PRDX1: variants seen among roughly 807,000 people sequenced by gnomAD.
PRDX1 encodes peroxiredoxin-1.
Under a neutral mutation model 20.7 loss-of-function variants are expected in PRDX1, and 19 were observed. That is an observed-to-expected ratio of 0.92 (90% CI 0.64 to 1.35). The LOEUF (loss-of-function observed/expected upper bound fraction) is 1.35, where lower values mean the gene tolerates loss of function less well. Ranked by LOEUF, PRDX1 falls within the 40% of genes most tolerant of loss-of-function variation. PRDX1 has a pLI of 0.00. For missense variants in PRDX1, 226 were observed against 240.0 expected (o/e 0.94, Z 0.38); for synonymous variants, 89 against 83.9 (o/e 1.06, Z -0.33).
At chr1:45,514,151 G>A (rs1643812603) in intron 5 of PRDX1, among the ~76,000 whole-genome samples, 1 of 152,146 alleles carries the variant, frequency 6.6e-6, no homozygotes, top group Admixed American at 6.5e-5. Flanking sequence ...TTATGTGTAT[G>A]CACATCTAAA....
chr1:45,511,289 T>C lies in PRDX1; in HGVS notation c.*40A>G, dbSNP rs750780038. 1 of 1,484,364 alleles carries C rather than the reference T, an allele frequency of 6.7e-7. No individual in the cohort carries two copies. The highest frequency in any genetic ancestry group is 1.4e-5 in the African/African-American group (1 of 70,232). The allele number at this position is 1,484,364 out of a possible 1,614,324, so 91.9% of individuals were successfully genotyped here. On this transcript the variant is annotated 3_prime_UTR_variant, in exon 6 of 6. Transcript: ENST00000319248. Reference sequence around the variant, plus strand: ...AAATACAGAAGAGGTTTTGTTCTCATGGCTGCCCACCGCAGCCTGGCACTA... The same window carrying C: ...AAATACAGAAGAGGTTTTGTTCTCACGGCTGCCCACCGCAGCCTGGCACTA...
rs770502273 is a variant in PRDX1 at position 45,513,960 on chromosome 1, G to GA, written c.514+546dup. ...TAAGGAGGATTAGTAAAAGAGGAAG[G>GA]AACGCCTCTTTGCAGTTGAGACAAG... is the stretch of plus-strand genomic sequence containing the variant. On this transcript the variant is annotated intron_variant, in intron 5 of 5. Transcript: ENST00000319248. Among the ~76,000 whole-genome samples, 111 of 152,274 alleles carry GA rather than the reference G, an allele frequency of 7.3e-4. 1 individual carries two copies. The highest frequency in any genetic ancestry group is 7.2e-4 in the Non-Finnish European group (49 of 68,018).
intron 5 of PRDX1, 136 bp from the exon 6 acceptor site, chr1:45,511,550 C>T: frequency 1.7e-6 from 1 of 579,610 alleles, no homozygotes. Flanking sequence ...TTAGATCATT[C>T]ACCCTTTTAG....
chr1:45,514,603 GAAGAAT>G lies in PRDX1; in HGVS notation c.412_417del (p.Ile138_Leu139del). 1 of 1,613,494 alleles carries G rather than the reference GAAGAAT, an allele frequency of 6.2e-7. No individual in the cohort carries two copies. Among genetic ancestry groups the G allele is most frequent in the South Asian group, 1.1e-5 (1 of 91,060 alleles). On this transcript the variant is annotated inframe_deletion, in exon 5 of 6. Coordinates refer to ENST00000319248, the MANE Select transcript of PRDX1 (RefSeq NM_181697.3). Reference sequence around the variant, plus strand: ...GGGAGGTCATTTACAGTGATCTGCCGAAGAATACCCTTATCATCAATGATAAAAAGG... The same window carrying G: ...GGGAGGTCATTTACAGTGATCTGCCGACCCTTATCATCAATGATAAAAAGG...
chr1:45,515,803 T>G lies in PRDX1; in HGVS notation c.111A>C (p.Lys37Asn), dbSNP rs1643852360. The change falls in exon 3 of 6, where the codon AAA becomes AAC. Residue 37 changes from lysine (K) to asparagine (N), a missense_variant. Transcript: ENST00000319248. ...GAGGGTAAAAGAAGAACACAACATA[T>G]TTTCCTGGGGGGAAAATCGGAGTCA... ...KDISLSDYKG[K>N]YVVFFFYPLD... 2 of 1,556,774 alleles carry G rather than the reference T, an allele frequency of 1.3e-6. No individual in the cohort carries two copies. Among genetic ancestry groups the G allele is most frequent in the South Asian group, 2.4e-5 (2 of 81,864 alleles).
intron 2 of PRDX1, among the ~76,000 whole-genome samples, chr1:45,516,806 G>A (rs1643865641): frequency 5.9e-5 from 9 of 152,008 alleles, no homozygotes; most frequent in Admixed American, 5.9e-4. Context: ...TGGATCACCT[G>A]AGGTCAGGAG....
chr1:45,514,419 C>A, intron 5 of PRDX1, 88 bp downstream of exon 5: 1 of 1,475,544 alleles, frequency 6.8e-7, no homozygotes, highest in Admixed American at 1.9e-5. Flanking sequence ...TCTCATTCCA[C>A]CTAACGAGAA....
upstream of PRDX1, among the ~76,000 whole-genome samples, chr1:45,522,334 A>C (rs1643922295): frequency 6.6e-6 from 1 of 152,212 alleles, no homozygotes; most frequent in South Asian, 2.1e-4. Context: ...GCAGATCCTC[A>C]GTAACCCTCA....
At chr1:45,518,063 G>A (rs1346508219) in intron 2 of PRDX1, among the ~76,000 whole-genome samples, 1 of 152,150 alleles carries the variant, frequency 6.6e-6, no homozygotes, top group Non-Finnish European at 1.5e-5. Context: ...AGAGGCAGTG[G>A]CTCACACCTG....
In PRDX1 at chr1:45,515,514, G is replaced by A. The variant is rs1643841560; in HGVS notation, c.260+140C>T. ...CTCAGGAGGCTGAGGCAGGAGAATG[G>A]CGTGAAACTGGGAGGCAGAGCTTGA... On this transcript the variant is annotated intron_variant, in intron 3 of 5. Transcript: ENST00000319248. The A allele has an allele frequency of 3.5e-6, 3 of 856,854 alleles. No homozygotes were observed. In the South Asian group the frequency reaches 5.6e-5, roughly 16 times the overall value. 53.1% of individuals were successfully genotyped at this position (856,854 alleles called of 1,614,324 possible). A position where few individuals can be genotyped will look rare whatever the true frequency, so the allele number is the denominator to read the frequency against.
chr1:45,518,844 T>C, intron 2 of PRDX1, 94 bp downstream of exon 2: 1 of 1,145,448 alleles, frequency 8.7e-7, no homozygotes, highest in Non-Finnish European at 1.3e-6. Flanking sequence ...AGACAAAACA[T>C]TTTACAGTCA....
chr1:45,514,926 G>A lies in PRDX1; in HGVS notation c.330C>T (p.Arg110=), dbSNP rs768959302. The stretch of plus-strand genomic sequence containing the variant: ...AGACCCCATAATCCTGAGCAATGGT[G>A]CGCTTCGGGTCTGATACCAAAGGAA... ...MNIPLVSDPK[R]TIAQDYGVLK... The change falls in exon 4 of 6, where the codon CGC becomes CGT. Residue 110 remains arginine (R), a synonymous_variant. Coordinates refer to ENST00000319248, the MANE Select transcript of PRDX1 (RefSeq NM_181697.3). 3.0e-5 allele frequency: 49 copies of A among 1,614,098 alleles called. No homozygotes were observed. Among genetic ancestry groups the A allele is most frequent in the Non-Finnish European group, 3.9e-5 (46 of 1,180,042 alleles).
chr1:45,512,858 T>C (rs1009881884), intron 5 of PRDX1: 1 of 152,246 alleles, frequency 6.6e-6, no homozygotes. Flanking sequence ...AGGGTACCTC[T>C]TGGTTATCAG....
intron 5 of PRDX1, 51 bp from the exon 6 acceptor site, chr1:45,511,465 A>G: frequency 6.7e-7 from 1 of 1,489,222 alleles, no homozygotes; most frequent in Non-Finnish European, 9.3e-7. Context: ...GGTATGCACC[A>G]CCATTCTCCT....
At chr1:45,518,678 C>T (rs567892033) in intron 2 of PRDX1, among the ~76,000 whole-genome samples, 32 of 151,916 alleles carry the variant, frequency 2.1e-4, no homozygotes, top group African/African-American at 5.6e-4. Flanking sequence ...AGAAAATAGA[C>T]GAGGAATACT....
chr1:45,514,364 C>T, intron 5 of PRDX1, 143 bp downstream of exon 5: 1 of 1,074,624 alleles, frequency 9.3e-7, no homozygotes, highest in Admixed American at 2.3e-5. Flanking sequence ...CCTGGGCCCC[C>T]TTATTTCTTT....
Position 45,514,548 on chromosome 1 carries a change from CTCA to C in PRDX1, c.470_472del (p.Leu157_Arg158delinsTer), listed in dbSNP as rs760344635. The stretch of plus-strand genomic sequence containing the variant: ...AGTGAACTGGAAGGCCTGAACTAGT[CTCA>C]AAGTCTCATCCACAGAGCGGCCAAC... On this transcript the variant is annotated stop_gained and inframe_deletion, in exon 5 of 6. Coordinates refer to ENST00000319248, the MANE Select transcript of PRDX1 (RefSeq NM_181697.3). LOFTEE classifies it high-confidence loss of function. 26 of 1,614,040 alleles carry C rather than the reference CTCA, an allele frequency of 1.6e-5. No homozygotes were observed. Among genetic ancestry groups the C allele is most frequent in the Non-Finnish European group, 2.2e-5 (26 of 1,180,008 alleles).
chr1:45,519,272 C>A (rs1283510002), intron 1 of PRDX1, among the ~76,000 whole-genome samples: 1 of 152,244 alleles, frequency 6.6e-6, no homozygotes, highest in Non-Finnish European at 1.5e-5. Context: ...GAATCTCAGC[C>A]TTTGTTTTCA....
At chr1:45,518,833 G>C in intron 2 of PRDX1, 105 bp downstream of exon 2, 1 of 1,019,032 alleles carries the variant, frequency 9.8e-7, no homozygotes, top group Non-Finnish European at 1.5e-6. Context: ...TTCTTCCTAG[G>C]AGACAAAACA....
Sources: gnomAD v4.1 joint callset for allele counts (sites outside exome capture counted in the v4.1 genomes callset) on GRCh38, gnomAD v4.1.1 for gene constraint, MANE v1.5 for transcripts, NCBI Gene and HGNC (gene_info 2026-07-23, HGNC 2026-07-21) for gene names.